Variants in SNX18 observed in about 807,000 individuals in gnomAD.
SNX18 encodes the protein sorting nexin-18.
Under a neutral mutation model 48.7 loss-of-function variants are expected in SNX18, and 35 were observed. The observed-to-expected ratio is 0.72, with a 90% CI of 0.55 to 0.95. SNX18 has a LOEUF of 0.95. SNX18 is among the 40% of genes least tolerant of loss of function. The pLI, the probability that SNX18 is intolerant of heterozygous loss-of-function variation, is 0.00. For synonymous variants in SNX18, 492 were observed against 384.7 expected (o/e 1.28, Z -3.26); for missense variants, 824 against 871.0 (o/e 0.95, Z 0.68).
At chr5:54,607,652 G>A in the SNX18 span, among the ~76,000 whole-genome samples, 1 of 152,138 alleles carries the variant, frequency 6.6e-6, no homozygotes, top group Non-Finnish European at 1.5e-5. Context: ...GCTGCTATGG[G>A]CCAGGCACTG....
the SNX18 span, among the ~76,000 whole-genome samples, chr5:54,641,786 T>C: frequency 6.6e-6 from 1 of 152,198 alleles, no homozygotes; most frequent in African/African-American, 2.4e-5. Flanking sequence ...TCATGGGTGC[T>C]GAATGTGTGT....
At chr5:54,537,840 T>C (rs1762385839) in intron 1 of SNX18, among the ~76,000 whole-genome samples, 1 of 152,216 alleles carries the variant, frequency 6.6e-6, no homozygotes, top group African/African-American at 2.4e-5. Flanking sequence ...TCCTCGGGTT[T>C]GGTTAAAAAA....
At chr5:54,569,506 T>C in the SNX18 span, among the ~76,000 whole-genome samples, 1 of 152,218 alleles carries the variant, frequency 6.6e-6, no homozygotes, top group Non-Finnish European at 1.5e-5. Flanking sequence ...ACGAAGTCTG[T>C]GACCTCATCT....
At position 54,543,262 on chromosome 5, in the gene SNX18, C is replaced by G. The variant is rs779839751; in HGVS notation, c.1705C>G (p.Arg569Gly). The G allele has an allele frequency of 2.5e-6, 4 of 1,614,134 alleles. No individual in the cohort carries two copies. In the Admixed American group the frequency reaches 6.7e-5, roughly 27 times the overall value. Residue 569 changes from arginine (R) to glycine (G), a missense_variant, in exon 2 of 2, where the codon CGC becomes GGC. Arg to Gly is a moderately radical substitution (Grantham distance 125). Coordinates refer to ENST00000381410, the MANE Select transcript of SNX18 (RefSeq NM_001102575.2). ...EVQKADGIQD[R>G]CNTISFATLA... ...GCAGAAGGCTGACGGCATTCAGGAT[C>G]GCTGTAACACTATTTCTTTTGCCAC... is the stretch of plus-strand genomic sequence containing the variant.
chr5:54,598,904 A>G, the SNX18 span, among the ~76,000 whole-genome samples: 1 of 152,220 alleles, frequency 6.6e-6, no homozygotes, highest in Non-Finnish European at 1.5e-5. Flanking sequence ...AAAAGAAAGA[A>G]ATAAAGGTAT....
At chr5:54,532,854 G>A (rs886287232) in intron 1 of SNX18, among the ~76,000 whole-genome samples, 1 of 152,192 alleles carries the variant, frequency 6.6e-6, no homozygotes, top group African/African-American at 2.4e-5. Context: ...GAGGTAAACT[G>A]TATGACTATA....
the SNX18 span, among the ~76,000 whole-genome samples, chr5:54,570,586 A>G: frequency 6.6e-6 from 1 of 152,212 alleles, no homozygotes; most frequent in African/African-American, 2.4e-5. Context: ...AATTAAGTAC[A>G]TGGCTCATAA....
At chr5:54,528,819 C>T (rs758618781) in intron 1 of SNX18, among the ~76,000 whole-genome samples, 32 of 152,110 alleles carry the variant, frequency 2.1e-4, no homozygotes, top group African/African-American at 6.8e-4. Context: ...CCGGCAGAGT[C>T]GGGGAAGGGC....
the SNX18 span, among the ~76,000 whole-genome samples, chr5:54,613,034 G>A: frequency 6.6e-6 from 1 of 152,224 alleles, no homozygotes; most frequent in Non-Finnish European, 1.5e-5. Context: ...ACTGAATAAT[G>A]GGATAAGCTG....
the SNX18 span, among the ~76,000 whole-genome samples, chr5:54,589,082 AG>A: frequency 6.6e-6 from 1 of 152,216 alleles, no homozygotes; most frequent in Non-Finnish European, 1.5e-5. Context: ...GAAACTATTA[AG>A]ACAAAAGTGA....
the SNX18 span, among the ~76,000 whole-genome samples, chr5:54,560,012 A>G: frequency 1.5e-4 from 23 of 152,200 alleles, no homozygotes; most frequent in East Asian, 4.4e-3. Flanking sequence ...ATGAGAACTA[A>G]TTTACACTCT....
At chr5:54,552,827 G>GT in the SNX18 span, among the ~76,000 whole-genome samples, 1 of 152,032 alleles carries the variant, frequency 6.6e-6, no homozygotes, top group East Asian at 1.9e-4. Flanking sequence ...GTAGAAGGTG[G>GT]TAAGTGCTAT....
rs751996568 is a variant in SNX18 at position 54,518,232 on chromosome 5, C to T, written c.280C>T (p.Pro94Ser). Residue 94 changes from proline to serine, a missense_variant, in exon 1 of 2, where the codon CCC (proline) becomes TCC (serine). Physicochemically the swap from Pro to Ser is moderately conservative, Grantham distance 74 (BLOSUM62 -1). Around this residue, in one of 3 missense-constraint regions of SNX18, gnomAD observed 377 missense variants for 350.6 expected, o/e 1.08. Transcript: ENST00000381410. ...GGFEPLPVAP[P>S]ASFKPPPDAF... The stretch of plus-strand genomic sequence containing the variant: ...CTTCGAGCCCCTGCCTGTCGCGCCC[C>T]CCGCCTCCTTCAAGCCGCCGCCTGA... The T allele has an allele frequency of 4.2e-6, 6 of 1,432,872 alleles. No individual in the cohort carries two copies. The highest frequency in any genetic ancestry group is 5.4e-6 in the Non-Finnish European group (6 of 1,101,504). 88.8% of individuals were successfully genotyped at this position (1,432,872 alleles called of 1,614,324 possible). A position where few individuals can be genotyped will look rare whatever the true frequency, so the allele number is the denominator to read the frequency against.
Position 54,517,855 on chromosome 5 carries a change from A to T in SNX18, c.-98A>T. 7.8e-7 allele frequency: 1 copy of T among 1,282,754 alleles called. No homozygotes were observed. Among genetic ancestry groups the T allele is most frequent in the Non-Finnish European group, 1.0e-6 (1 of 1,002,104 alleles). The allele number at this position is 1,282,754 out of a possible 1,614,324, so 79.5% of individuals were successfully genotyped here. A position where few individuals can be genotyped will look rare whatever the true frequency, so the allele number is the denominator to read the frequency against. ...GTGGGTTTGCCGCCTTCGGGGCTCCAGTCCGCGCGCCAGGGCTCGAGCAGT... is the reference window on the plus strand; with the variant it reads ...GTGGGTTTGCCGCCTTCGGGGCTCCTGTCCGCGCGCCAGGGCTCGAGCAGT... On this transcript the variant is annotated 5_prime_UTR_variant, in exon 1 of 2. Coordinates refer to ENST00000381410, the MANE Select transcript of SNX18 (RefSeq NM_001102575.2).
At position 54,519,453 on chromosome 5, in the gene SNX18, G is replaced by A; in HGVS notation, c.1501G>A (p.Asp501Asn). 1 of 1,614,192 alleles carries A rather than the reference G, an allele frequency of 6.2e-7. No individual in the cohort carries two copies. The highest frequency in any genetic ancestry group is 8.5e-7 in the Non-Finnish European group (1 of 1,180,046). ...QAIAFTGDAY[D>N]AIGELFAEQP... ...TATCGCCTTCACCGGAGATGCCTAT[G>A]ACGCCATTGGCGAGCTCTTCGCGGA... The change falls in exon 1 of 2, where the codon GAC becomes AAC. Residue 501 changes from aspartate (D) to asparagine (N), a missense_variant. Transcript: ENST00000381410.
At chr5:54,586,651 C>T in the SNX18 span, among the ~76,000 whole-genome samples, 1 of 152,228 alleles carries the variant, frequency 6.6e-6, no homozygotes, top group African/African-American at 2.4e-5. Context: ...TTAATCCATT[C>T]ATGAGCGCGG....
the SNX18 span, among the ~76,000 whole-genome samples, chr5:54,572,630 A>G: frequency 1.3e-5 from 2 of 151,256 alleles, no homozygotes; most frequent in Non-Finnish European, 2.9e-5. Flanking sequence ...ACATATATAA[A>G]TGTTGCGTTC....
At chr5:54,564,963 A>G in the SNX18 span, among the ~76,000 whole-genome samples, 1 of 152,176 alleles carries the variant, frequency 6.6e-6, no homozygotes, top group African/African-American at 2.4e-5. Context: ...TCCCTTTTCC[A>G]TCTTCTTGAG....
At chr5:54,523,888 C>G (rs961819298) in intron 1 of SNX18, among the ~76,000 whole-genome samples, 1 of 152,312 alleles carries the variant, frequency 6.6e-6, no homozygotes, top group Admixed American at 6.5e-5. Context: ...CTGTCTGCTC[C>G]CCATTCTCCT....
Sources: allele counts gnomAD v4.1 joint callset (sites outside exome capture counted in the v4.1 genomes callset), GRCh38; gene constraint gnomAD v4.1.1; regional missense constraint gnomAD v4.1.1; transcripts MANE v1.5; gene names NCBI Gene and HGNC (gene_info 2026-07-23, HGNC 2026-07-21).